Variants in TENM1 observed in about 807,000 individuals in gnomAD.
TENM1 encodes teneurin-1.
In TENM1, 35 loss-of-function variants were observed where a neutral mutation model predicts 174.8. The observed-to-expected ratio is 0.20, with a 90% CI of 0.15 to 0.27. The LOEUF (loss-of-function observed/expected upper bound fraction) is 0.27. TENM1 is among the 10% of genes least tolerant of loss of function. The probability of loss-of-function intolerance (pLI) is 1.00; values close to 1 mark genes in which losing one functional copy is unlikely to be tolerated. For synonymous variants in TENM1, 781 were observed against 798.7 expected (o/e 0.98, Z 0.37); for missense variants, 1,633 against 2,130.1 (o/e 0.77, Z 4.59).
the TENM1 span, among the ~76,000 whole-genome samples, chrX:125,031,822 T>C: frequency 8.9e-6 from 1 of 112,125 alleles, no homozygotes; most frequent in Non-Finnish European, 1.9e-5. Context: ...TTCATTTTAC[T>C]TTCCAACTTC....
chrX:124,701,703 C>T (rs1356900134), intron 5 of TENM1, among the ~76,000 whole-genome samples: 1 of 112,007 alleles, frequency 8.9e-6, no homozygotes, highest in African/African-American at 3.2e-5. Flanking sequence ...TTTTTCCATG[C>T]CTCTCTTCAC....
At chrX:124,952,335 GGTGTGTGT>G (rs34542293) in intron 1 of TENM1, among the ~76,000 whole-genome samples, 15 of 98,809 alleles carry the variant, frequency 1.5e-4, no homozygotes, top group African/African-American at 4.0e-4. Flanking sequence ...TTATGTATGG[GGTGTGTGT>G]GTGTGTGTGT....
intron 11 of TENM1, among the ~76,000 whole-genome samples, chrX:124,628,607 A>G (rs2050690301): frequency 9.0e-6 from 1 of 111,485 alleles, no homozygotes; most frequent in African/African-American, 3.3e-5. Flanking sequence ...GTTTCAATGA[A>G]AAGAAAAGTT....
the TENM1 span, among the ~76,000 whole-genome samples, chrX:125,026,660 T>C: frequency 8.9e-6 from 1 of 111,933 alleles, no homozygotes; most frequent in African/African-American, 3.2e-5. Context: ...TCCAGCAATG[T>C]GTAAAAAATA....
intron 3 of TENM1, among the ~76,000 whole-genome samples, chrX:124,838,346 T>A (rs1010201843): frequency 2.7e-5 from 3 of 112,184 alleles, no homozygotes; most frequent in Non-Finnish European, 5.6e-5. Flanking sequence ...ACTTTGCCTA[T>A]TAATAAGGCA....
intron 4 of TENM1, among the ~76,000 whole-genome samples, chrX:124,721,552 C>T (rs902463899): frequency 8.9e-6 from 1 of 111,753 alleles, no homozygotes; most frequent in African/African-American, 3.3e-5. Context: ...TAGATTATAT[C>T]TCCAGGCAGG....
chrX:124,567,631 T>C lies in TENM1; in HGVS notation c.2078-2071A>G, dbSNP rs781112940. On this transcript the variant is annotated intron_variant, in intron 11 of 31. Coordinates refer to ENST00000422452, the Ensembl canonical transcript of TENM1. ...AAAGCTGTGCAGGGACTCATCAGGT[T>C]GTGAGAAAAGTCTAGGGCATAGAAA... Among the ~76,000 whole-genome samples the C allele has an allele frequency of 5.4e-5, 6 of 111,614 alleles. No individual in the cohort carries two copies. In the East Asian group the frequency reaches 1.4e-3, roughly 26 times the overall value.
chrX:124,449,963 G>A (rs1480391882), intron 23 of TENM1, among the ~76,000 whole-genome samples: 2 of 110,449 alleles, frequency 1.8e-5, no homozygotes, highest in Non-Finnish European at 3.8e-5. Flanking sequence ...TCTTAGGGGT[G>A]TGTTCCTTTT....
intron 3 of TENM1, among the ~76,000 whole-genome samples, chrX:124,809,627 C>G (rs1438135753): frequency 1.8e-5 from 2 of 111,051 alleles, no homozygotes; most frequent in Non-Finnish European, 3.8e-5. Flanking sequence ...CACATCCTTT[C>G]ATGATAAACA....
Position 124,484,439 on chromosome X carries a change from G to A in TENM1, c.3717-2475C>T, listed in dbSNP as rs181546190. 2.7e-5 allele frequency among the ~76,000 whole-genome samples: 3 copies of A among 111,960 alleles called. No individual in the cohort carries two copies. The Admixed American group carries it at 2.8e-4, about 11-fold the overall frequency. The stretch of plus-strand genomic sequence containing the variant: ...TATGCTCCACCTCCTTGAGGGTGGA[G>A]TATCTACATAAATTATTTGGAATTC... On this transcript the variant is annotated intron_variant, in intron 21 of 31. Coordinates refer to ENST00000422452, the Ensembl canonical transcript of TENM1.
chrX:125,077,056 T>C, the TENM1 span, among the ~76,000 whole-genome samples: 1 of 110,970 alleles, frequency 9.0e-6, no homozygotes, highest in African/African-American at 3.3e-5. Flanking sequence ...TCCTGGACAC[T>C]AAATGCCATC....
Position 124,636,858 on chromosome X carries a change from G to A in TENM1, c.2077+4933C>T, listed in dbSNP as rs183025835. On this transcript the variant is annotated intron_variant, in intron 11 of 31. Transcript: ENST00000422452. ...CCCTGACAGACTGCAAGCTCCATTA[G>A]TGCAGGAATCTTTGTTTTCTTCACT... 4.7e-3 allele frequency among the ~76,000 whole-genome samples: 521 copies of A among 111,709 alleles called. 2 individuals are homozygous for A. Among genetic ancestry groups the A allele is most frequent in the Non-Finnish European group, 7.4e-3 (393 of 53,184 alleles).
At chrX:124,680,926 TA>T (rs67442535) in intron 5 of TENM1, among the ~76,000 whole-genome samples, 2,131 of 111,010 alleles carry the variant, frequency 0.019, 25 homozygotes, top group African/African-American at 0.035. Flanking sequence ...CAGGTTCTTT[TA>T]AAAAGACCCA....
intron 25 of TENM1, among the ~76,000 whole-genome samples, chrX:124,410,251 C>G (rs1447525426): frequency 2.7e-5 from 3 of 111,507 alleles, no homozygotes; most frequent in Non-Finnish European, 5.6e-5. Context: ...ACAAACCTGA[C>G]AAAAACAAGA....
chrX:124,595,967 G>T (rs1211740729), intron 11 of TENM1, among the ~76,000 whole-genome samples: 1 of 111,783 alleles, frequency 8.9e-6, no homozygotes, highest in Non-Finnish European at 1.9e-5. Flanking sequence ...ACCTATCTAG[G>T]TTTAATAAAG....
the TENM1 span, among the ~76,000 whole-genome samples, chrX:125,200,512 G>A: frequency 9.1e-6 from 1 of 110,338 alleles, no homozygotes; most frequent in African/African-American, 3.3e-5. Flanking sequence ...TTTTAAGTAC[G>A]CATGGATTAT....
chrX:124,653,797 T>C lies in TENM1; in HGVS notation c.1169-14A>G. 8.6e-7 allele frequency: 1 copy of C among 1,161,015 alleles called. No individual in the cohort carries two copies. Among genetic ancestry groups the C allele is most frequent in the Non-Finnish European group, 1.2e-6 (1 of 852,789 alleles). On this transcript the variant is annotated splice_polypyrimidine_tract_variant and intron_variant, in intron 6 of 31. Transcript: ENST00000422452. Reference sequence around the variant, plus strand: ...CCTTCTGAAACACTAGTTTTAAAGGTAGAGAAAATTACACACCATGTTAAT... The same window carrying C: ...CCTTCTGAAACACTAGTTTTAAAGGCAGAGAAAATTACACACCATGTTAAT...
the TENM1 span, among the ~76,000 whole-genome samples, chrX:125,184,974 A>G: frequency 1.8e-5 from 2 of 111,705 alleles, no homozygotes; most frequent in East Asian, 2.8e-4. Context: ...TCAAAGCTCC[A>G]TTTGAATTAT....
chrX:124,565,458 T>C (rs1315838255), exon 12 of TENM1: 1 of 1,208,472 alleles, frequency 8.3e-7, no homozygotes, highest in Non-Finnish European at 1.1e-6. Context: ...ACAATGAGAA[T>C]GACAGGAGCG....
Sources: allele counts gnomAD v4.1 joint callset (sites outside exome capture counted in the v4.1 genomes callset), GRCh38; gene constraint gnomAD v4.1.1; transcripts MANE v1.5; gene names NCBI Gene and HGNC (gene_info 2026-07-23, HGNC 2026-07-21).